Variants in XKR9 observed in about 807,000 individuals in gnomAD.
XKR9 encodes the protein XK related 9.
Under a neutral mutation model 32.0 loss-of-function variants are expected in XKR9, and 32 were observed. That is an observed-to-expected ratio of 1.00 (90% CI 0.76 to 1.34). The LOEUF (loss-of-function observed/expected upper bound fraction) is 1.34. Ranked by LOEUF, XKR9 falls within the 40% of genes most tolerant of loss-of-function variation. The pLI, the probability that XKR9 is intolerant of heterozygous loss-of-function variation, is 0.00. For synonymous variants in XKR9, 168 were observed against 143.4 expected, an observed-to-expected ratio of 1.17 and a Z score of -1.22; for missense variants, 546 against 429.7, an observed-to-expected ratio of 1.27 and a Z score of -2.39.
At chr8:71,042,549 G>A in the XKR9 span, among the ~76,000 whole-genome samples, 4 of 152,184 alleles carry the variant, frequency 2.6e-5, no homozygotes, top group Admixed American at 2.0e-4. Context: ...CACATTAAGT[G>A]TTTAAATGGC....
At chr8:70,867,627 T>G in the XKR9 span, among the ~76,000 whole-genome samples, 53 of 152,112 alleles carry the variant, frequency 3.5e-4, 1 homozygote, top group South Asian at 2.1e-4. Flanking sequence ...AATTTTTGTA[T>G]TTTTAGTAGA....
chr8:70,958,286 C>T, the XKR9 span, among the ~76,000 whole-genome samples: 187 of 152,268 alleles, frequency 1.2e-3, no homozygotes, highest in African/African-American at 4.3e-3. Flanking sequence ...CACTGTCTTC[C>T]ACAATGATTG....
At chr8:70,816,411 T>C in the XKR9 span, among the ~76,000 whole-genome samples, 1 of 152,184 alleles carries the variant, frequency 6.6e-6, no homozygotes, top group African/African-American at 2.4e-5. Flanking sequence ...GGAAATGAAA[T>C]TATTATATGA....
chr8:70,770,105 G>A lies in XKR9; in HGVS notation n.353-19234G>A, dbSNP rs375683009. 7.9e-5 allele frequency among the ~76,000 whole-genome samples: 12 copies of A among 152,186 alleles called. No individual in the cohort carries two copies. In the East Asian group the frequency reaches 2.3e-3, roughly 30 times the overall value. On this transcript the variant is annotated intron_variant and non_coding_transcript_variant, in intron 2 of 3. Transcript: ENST00000520273. ...TCTACTGTTGCTCTTTAATGCAGAG[G>A]ACCTTTGGATTGAGTTTTTGCATGT... is the stretch of plus-strand genomic sequence containing the variant.
At chr8:71,028,553 T>C in the XKR9 span, among the ~76,000 whole-genome samples, 1 of 152,288 alleles carries the variant, frequency 6.6e-6, no homozygotes, top group South Asian at 2.1e-4. Context: ...GCGGAACAGC[T>C]TTTGAGATCT....
the XKR9 span, among the ~76,000 whole-genome samples, chr8:70,882,647 A>G: frequency 6.6e-6 from 1 of 152,198 alleles, no homozygotes; most frequent in Admixed American, 6.6e-5. Context: ...CGTAGAAGGT[A>G]CAGAATTTCA....
the XKR9 span, among the ~76,000 whole-genome samples, chr8:70,810,966 C>T: frequency 6.6e-6 from 1 of 152,186 alleles, no homozygotes; most frequent in Non-Finnish European, 1.5e-5. Context: ...GAAGCCTCCA[C>T]CCCAAATCAA....
chr8:70,945,309 G>A, the XKR9 span, among the ~76,000 whole-genome samples: 1 of 152,192 alleles, frequency 6.6e-6, no homozygotes. Flanking sequence ...GTCACCCTAT[G>A]CCTAAGCTTG....
chr8:70,975,495 C>T, the XKR9 span, among the ~76,000 whole-genome samples: 7 of 152,150 alleles, frequency 4.6e-5, no homozygotes, highest in South Asian at 6.2e-4. Context: ...TTATTAAATA[C>T]GGAATCCTTT....
chr8:70,940,071 G>A, the XKR9 span, among the ~76,000 whole-genome samples: 3 of 152,022 alleles, frequency 2.0e-5, no homozygotes, highest in Admixed American at 1.3e-4. Flanking sequence ...AGTGCTCTAG[G>A]TGGGTAAGTA....
intron 2 of XKR9, among the ~76,000 whole-genome samples, chr8:70,679,326 C>G (rs941346508): frequency 1.3e-5 from 2 of 152,194 alleles, no homozygotes; most frequent in Non-Finnish European, 2.9e-5. Context: ...TTACTGGGCC[C>G]TAACTGTGTG....
chr8:70,935,206 T>TACAC, the XKR9 span, among the ~76,000 whole-genome samples: 969 of 82,462 alleles, frequency 0.012, 7 homozygotes, highest in Admixed American at 0.018. Context: ...CATATACATA[T>TACAC]ATACACACAC....
At chr8:70,736,526 A>T (rs1171788948), downstream of XKR9, among the ~76,000 whole-genome samples, 34 of 152,130 alleles carry the variant, frequency 2.2e-4, no homozygotes. Context: ...GGTGTTTTAG[A>T]CATGAATTCT....
At chr8:70,900,462 G>A in the XKR9 span, among the ~76,000 whole-genome samples, 1 of 152,010 alleles carries the variant, frequency 6.6e-6, no homozygotes, top group Non-Finnish European at 1.5e-5. Context: ...GGTGGTGGGT[G>A]CCTGTAATCC....
At chr8:71,041,567 C>T in the XKR9 span, among the ~76,000 whole-genome samples, 8 of 152,224 alleles carry the variant, frequency 5.3e-5, no homozygotes, top group South Asian at 1.7e-3. Flanking sequence ...GGCTCTGTGT[C>T]CCCACCCAAA....
chr8:70,802,224 C>T, the XKR9 span, among the ~76,000 whole-genome samples: 3 of 152,336 alleles, frequency 2.0e-5, no homozygotes, highest in African/African-American at 7.2e-5. Context: ...GCGTGAGCCA[C>T]CGCGCCCGGC....
intron 2 of XKR9, among the ~76,000 whole-genome samples, chr8:70,743,054 C>G (rs1170093927): frequency 1.3e-5 from 2 of 151,836 alleles, no homozygotes; most frequent in Non-Finnish European, 1.5e-5. Context: ...TGTGTTAGAC[C>G]TATTGATATT....
At chr8:70,835,876 C>G in the XKR9 span, among the ~76,000 whole-genome samples, 1 of 152,058 alleles carries the variant, frequency 6.6e-6, no homozygotes, top group Non-Finnish European at 1.5e-5. Flanking sequence ...CTCAAACATT[C>G]TTTCACTGCT....
intron 4 of XKR9, 68 bp downstream of exon 4, chr8:70,707,221 T>G: frequency 7.9e-7 from 1 of 1,262,846 alleles, no homozygotes; most frequent in Non-Finnish European, 1.1e-6. Flanking sequence ...ATATAAATCT[T>G]TGGCTGACTT....
Sources: allele counts gnomAD v4.1 joint callset (sites outside exome capture counted in the v4.1 genomes callset), GRCh38; gene constraint gnomAD v4.1.1; transcripts MANE v1.5; gene names NCBI Gene and HGNC (gene_info 2026-07-23, HGNC 2026-07-21).